DAPP1: variants seen among roughly 807,000 people sequenced by gnomAD.
DAPP1 encodes dual adaptor of phosphotyrosine and 3-phosphoinositides 1.
DAPP1 carries 20 observed loss-of-function variants against 41.5 expected under a neutral mutation model. The observed-to-expected ratio is 0.48, with a 90% CI of 0.34 to 0.70. The LOEUF (loss-of-function observed/expected upper bound fraction) is 0.70, where lower values mean the gene tolerates loss of function less well. DAPP1 is among the 30% of genes least tolerant of loss of function. The pLI, the probability that DAPP1 is intolerant of heterozygous loss-of-function variation, is 0.01. For missense variants in DAPP1, 233 were observed against 333.4 expected (o/e 0.70, Z 2.35); for synonymous variants, 113 against 116.2 (o/e 0.97, Z 0.18).
At position 99,833,706 on chromosome 4, in the gene DAPP1, A is replaced by G. The variant is rs570937824; in HGVS notation, c.102-1917A>G. Among the ~76,000 whole-genome samples, 6 of 152,370 alleles carry G rather than the reference A, an allele frequency of 3.9e-5. No individual in the cohort carries two copies. In the East Asian group the frequency reaches 1.2e-3, roughly 29 times the overall value. ...TTCACTGACCTAAACTGTGGTCCCT[A>G]GCAGTCAGCAACTGCCTCTGCTGTC... On this transcript the variant is annotated intron_variant, in intron 1 of 8. Transcript: ENST00000512369.
At chr4:99,853,580 G>A (rs887965028) in intron 4 of DAPP1, among the ~76,000 whole-genome samples, 2 of 152,152 alleles carry the variant, frequency 1.3e-5, no homozygotes, top group Non-Finnish European at 2.9e-5. Flanking sequence ...CCAACATTTT[G>A]GGAGGCCAAG....
chr4:99,820,797 G>A (rs574618965), intron 1 of DAPP1, among the ~76,000 whole-genome samples: 9 of 152,236 alleles, frequency 5.9e-5, no homozygotes, highest in Non-Finnish European at 8.8e-5. Flanking sequence ...ACAAATGACC[G>A]TGATGGTGTT....
chr4:99,823,553 C>T (rs1468379652), intron 1 of DAPP1, among the ~76,000 whole-genome samples: 1 of 152,152 alleles, frequency 6.6e-6, no homozygotes, highest in Non-Finnish European at 1.5e-5. Flanking sequence ...ATTTTTCCAT[C>T]ATCTCCTTCT....
chr4:99,828,735 G>A (rs1315097554), intron 1 of DAPP1, among the ~76,000 whole-genome samples: 1 of 152,154 alleles, frequency 6.6e-6, no homozygotes, highest in Non-Finnish European at 1.5e-5. Flanking sequence ...AGTGGGTGGT[G>A]TTTCCTAGTT....
At chr4:99,836,217 A>G (rs1723293300) in intron 2 of DAPP1, among the ~76,000 whole-genome samples, 1 of 152,180 alleles carries the variant, frequency 6.6e-6, no homozygotes, top group Non-Finnish European at 1.5e-5. Flanking sequence ...CTAGCTTTTC[A>G]TATTGAGTCT....
At chr4:99,823,199 G>A (rs1042435293) in intron 1 of DAPP1, among the ~76,000 whole-genome samples, 1 of 151,986 alleles carries the variant, frequency 6.6e-6, no homozygotes, top group African/African-American at 2.4e-5. Flanking sequence ...TTAAAAATGT[G>A]GCAAAAGGTT....
chr4:99,821,487 T>C (rs762065513), intron 1 of DAPP1, among the ~76,000 whole-genome samples: 11 of 152,382 alleles, frequency 7.2e-5, no homozygotes, highest in Middle Eastern at 3.4e-3. Flanking sequence ...GCTTATCATG[T>C]GCTAAGCACT....
At chr4:99,822,488 G>T (rs1431172383) in intron 1 of DAPP1, among the ~76,000 whole-genome samples, 2 of 152,128 alleles carry the variant, frequency 1.3e-5, no homozygotes, top group African/African-American at 4.8e-5. Context: ...TGGCCTTGGA[G>T]CTGATATGAT....
intron 1 of DAPP1, among the ~76,000 whole-genome samples, chr4:99,819,424 A>T (rs1387253578): frequency 6.6e-6 from 1 of 152,226 alleles, no homozygotes. Flanking sequence ...AATATTTAAT[A>T]ATCAACTTGT....
At chr4:99,837,438 G>C (rs148254048) in intron 2 of DAPP1, among the ~76,000 whole-genome samples, 2 of 152,260 alleles carry the variant, frequency 1.3e-5, no homozygotes, top group East Asian at 3.9e-4. Context: ...AGGGGTCACA[G>C]AGGAAAAACA....
At chr4:99,832,490 A>G (rs982361179) in intron 1 of DAPP1, among the ~76,000 whole-genome samples, 1 of 152,194 alleles carries the variant, frequency 6.6e-6, no homozygotes, top group Non-Finnish European at 1.5e-5. Flanking sequence ...CACTGACATC[A>G]TGGAATGTAG....
At chr4:99,831,351 T>C (rs530748890) in intron 1 of DAPP1, among the ~76,000 whole-genome samples, 2 of 152,346 alleles carry the variant, frequency 1.3e-5, no homozygotes, top group East Asian at 3.9e-4. Context: ...GTATCATTTG[T>C]AGGATGTTAA....
chr4:99,851,775 G>A (rs1405241367), intron 3 of DAPP1, among the ~76,000 whole-genome samples: 1 of 151,792 alleles, frequency 6.6e-6, no homozygotes, highest in Non-Finnish European at 1.5e-5. Context: ...GGATGCTCTC[G>A]ATCTCCTGAC....
intron 4 of DAPP1, among the ~76,000 whole-genome samples, chr4:99,858,643 C>G (rs901392767): frequency 8.5e-5 from 13 of 152,182 alleles, no homozygotes; most frequent in African/African-American, 3.1e-4. Flanking sequence ...TGTGTCTTGG[C>G]TGTTTTAATC....
intron 4 of DAPP1, among the ~76,000 whole-genome samples, chr4:99,860,859 G>A (rs962270982): frequency 2.0e-5 from 3 of 152,168 alleles, no homozygotes. Context: ...CTTGTCTTAT[G>A]CAAATTTCTG....
In DAPP1 at chr4:99,861,628, A is replaced by G. The variant is rs1266452841; in HGVS notation, c.537+3A>G. On this transcript the variant is annotated splice_donor_region_variant and intron_variant, in intron 5 of 8. Transcript: ENST00000512369. ...CCAAACAGGGAGGCCTGGTCAAGGT[A>G]AGGAAGTGTGGTTTTGCTCATGCCA... is the stretch of plus-strand genomic sequence containing the variant. 6.4e-7 allele frequency: 1 copy of G among 1,571,274 alleles called. No individual in the cohort carries two copies. Among genetic ancestry groups the G allele is most frequent in the Admixed American group, 1.9e-5 (1 of 53,602 alleles).
At chr4:99,829,295 T>C (rs1016258139) in intron 1 of DAPP1, among the ~76,000 whole-genome samples, 8 of 152,020 alleles carry the variant, frequency 5.3e-5, no homozygotes, top group Admixed American at 3.9e-4. Flanking sequence ...GCCTGGCCAA[T>C]ATGGTGAAAC....
At chr4:99,817,679 C>A (rs1722636010) in intron 1 of DAPP1, among the ~76,000 whole-genome samples, 1 of 152,110 alleles carries the variant, frequency 6.6e-6, no homozygotes, top group Non-Finnish European at 1.5e-5. Context: ...TAAGAAGGGA[C>A]CCAGATGACA....
At chr4:99,865,597 A>G (rs886193987) in intron 7 of DAPP1, 3 of 152,186 alleles carry the variant, frequency 2.0e-5, no homozygotes, top group Admixed American at 1.3e-4. Flanking sequence ...TGTCTTGCCT[A>G]TTCTTTGGAT....
Sources: gnomAD v4.1 joint callset for allele counts (sites outside exome capture counted in the v4.1 genomes callset) on GRCh38, gnomAD v4.1.1 for gene constraint, MANE v1.5 for transcripts, NCBI Gene and HGNC (gene_info 2026-07-23, HGNC 2026-07-21) for gene names.